The following TBXAS1 variants were observed in gnomAD, a reference collection of about 807,000 sequenced individuals.
TBXAS1 encodes thromboxane-A synthase.
Under a neutral mutation model 60.7 loss-of-function variants are expected in TBXAS1, and 48 were observed. The observed-to-expected ratio is 0.79, with a 90% CI of 0.63 to 1.01. The LOEUF is 1.01. Ranked by LOEUF, TBXAS1 falls within the 50% of genes least tolerant of loss-of-function variation. The pLI is 0.00. For missense variants in TBXAS1, 685 were observed against 686.3 expected (o/e 1.00, Z 0.02); for synonymous variants, 287 against 269.7 (o/e 1.06, Z -0.63).
chr7:139,784,127 T>TCCTGCCTG (rs58521433), intron 3 of TBXAS1, among the ~76,000 whole-genome samples: 8 of 149,810 alleles, frequency 5.3e-5, no homozygotes, highest in South Asian at 4.2e-4. Flanking sequence ...CTTCCTGCCT[T>TCCTGCCTG]CCTGCCTGCC....
chr7:139,806,128 G>A (rs1377088423), intron 4 of TBXAS1, among the ~76,000 whole-genome samples: 14 of 151,054 alleles, frequency 9.3e-5, no homozygotes, highest in East Asian at 3.9e-4. Context: ...TAGTAGAGAC[G>A]GGGTTTCACC....
chr7:139,814,253 T>C (rs1798093754), intron 4 of TBXAS1, among the ~76,000 whole-genome samples: 1 of 152,216 alleles, frequency 6.6e-6, no homozygotes, highest in Non-Finnish European at 1.5e-5. Context: ...AGGTTTAAAG[T>C]GTGGAGTACA....
chr7:139,927,469 T>C (rs1218982232), intron 4 of TBXAS1, among the ~76,000 whole-genome samples: 2 of 152,224 alleles, frequency 1.3e-5, no homozygotes, highest in African/African-American at 4.8e-5. Context: ...CTTGTTTATA[T>C]CTTATTGTAC....
At chr7:139,902,131 CGT>C (rs140782971) in intron 3 of TBXAS1, among the ~76,000 whole-genome samples, 45 of 149,036 alleles carry the variant, frequency 3.0e-4, no homozygotes, top group Non-Finnish European at 2.2e-4. Context: ...TATATGCACT[CGT>C]GTGTGTGTGT....
chr7:139,924,448 C>CT (rs905260915), intron 4 of TBXAS1, among the ~76,000 whole-genome samples: 47 of 147,470 alleles, frequency 3.2e-4, no homozygotes, highest in African/African-American at 9.9e-4. Context: ...ATTTGTATGT[C>CT]TTTTTTTTTT....
chr7:139,914,045 T>C (rs75631777), intron 4 of TBXAS1: 1 of 151,338 alleles, frequency 6.6e-6, no homozygotes, highest in East Asian at 1.9e-4. Context: ...TTTTTTTTTT[T>C]TGGAGACACG....
chr7:139,963,857 T>C (rs1584963904), intron 9 of TBXAS1, among the ~76,000 whole-genome samples: 1 of 152,230 alleles, frequency 6.6e-6, no homozygotes, highest in Non-Finnish European at 1.5e-5. Flanking sequence ...GGTCTCAAAC[T>C]GGTGCACAGG....
At chr7:139,887,754 G>A (rs1009429530) in intron 3 of TBXAS1, among the ~76,000 whole-genome samples, 1 of 152,170 alleles carries the variant, frequency 6.6e-6, no homozygotes, top group African/African-American at 2.4e-5. Flanking sequence ...ATACCTCTTT[G>A]AGACCCTGCT....
At chr7:139,845,562 C>G (rs1268731023) in intron 1 of TBXAS1, among the ~76,000 whole-genome samples, 2 of 152,162 alleles carry the variant, frequency 1.3e-5, no homozygotes, top group Non-Finnish European at 2.9e-5. Context: ...CAGGATTGGT[C>G]CTTCCTCATC....
At position 139,829,405 on chromosome 7, in the gene TBXAS1, G is replaced by C. The variant is rs775493645; in HGVS notation, c.15G>C (p.Gly5=). The change falls in exon 1 of 13, where the codon GGG becomes GGC. Residue 5 remains glycine (G), a synonymous_variant. Transcript: ENST00000448866. The part of the protein sequence containing the change: MEAL[G]FLKLEVNGPM... ...TCAGAGGAATGATGGAAGCCTTGGG[G>C]TTTCTAAAATTGGAAGTGAATGGCC... The C allele has an allele frequency of 1.2e-6, 2 of 1,613,752 alleles. No homozygotes were observed. The highest frequency in any genetic ancestry group is 1.7e-6 in the Non-Finnish European group (2 of 1,179,950).
At chr7:139,866,273 A>G (rs976209350) in intron 1 of TBXAS1, among the ~76,000 whole-genome samples, 2 of 152,354 alleles carry the variant, frequency 1.3e-5, no homozygotes, top group African/African-American at 4.8e-5. Context: ...CTGTAGCAGC[A>G]TAACTCAAAG....
chr7:139,844,569 C>T (rs1313130840), intron 1 of TBXAS1, among the ~76,000 whole-genome samples: 2 of 152,222 alleles, frequency 1.3e-5, no homozygotes, highest in East Asian at 1.9e-4. Flanking sequence ...GCACCACCAT[C>T]GCGTTGTCAA....
intron 9 of TBXAS1, among the ~76,000 whole-genome samples, chr7:140,000,491 G>C (rs976641889): frequency 2.0e-5 from 3 of 152,156 alleles, no homozygotes; most frequent in Non-Finnish European, 4.4e-5. Flanking sequence ...CTGGGCCACA[G>C]AGCAAGAAAA....
At chr7:139,788,769 G>A (rs1797281598) in intron 4 of TBXAS1, among the ~76,000 whole-genome samples, 1 of 152,260 alleles carries the variant, frequency 6.6e-6, no homozygotes, top group South Asian at 2.1e-4. Flanking sequence ...CGTGCCCTAG[G>A]GTTGGCCTGC....
intron 9 of TBXAS1, among the ~76,000 whole-genome samples, chr7:139,991,904 C>T (rs1157663121): frequency 6.6e-6 from 1 of 152,234 alleles, no homozygotes; most frequent in Non-Finnish European, 1.5e-5. Context: ...ACTTGGCCCC[C>T]AGCCTAGGCA....
chr7:139,883,402 C>T (rs1371363486), intron 3 of TBXAS1, among the ~76,000 whole-genome samples: 1 of 152,114 alleles, frequency 6.6e-6, no homozygotes, highest in Non-Finnish European at 1.5e-5. Flanking sequence ...TCTTTCAGCC[C>T]ATTTATTTTA....
chr7:139,926,295 G>T (rs937175121), intron 4 of TBXAS1, among the ~76,000 whole-genome samples: 1 of 152,088 alleles, frequency 6.6e-6, no homozygotes, highest in Non-Finnish European at 1.5e-5. Flanking sequence ...TTTCTTTGCT[G>T]GGAGACTTTT....
Position 139,778,730 on chromosome 7 carries a change from C to A in TBXAS1, c.-318+259C>A, listed in dbSNP as rs1796871184. Among the ~76,000 whole-genome samples, 1 of 152,294 alleles carries A rather than the reference C, an allele frequency of 6.6e-6. No homozygotes were observed. The highest frequency in any genetic ancestry group is 2.4e-5 in the African/African-American group (1 of 41,562). On this transcript the variant is annotated intron_variant, in intron 1 of 16. Coordinates refer to the TBXAS1 transcript ENST00000336425. The surrounding 1 kb of genome is among the most constrained non-coding windows in gnomAD (Gnocchi z 4.8). ...ATCACTTGAATGGGAGCTCACAACTCTCTGGGTCCTCGCTTTTCTCAGCGC... is the reference window on the plus strand; with the variant it reads ...ATCACTTGAATGGGAGCTCACAACTATCTGGGTCCTCGCTTTTCTCAGCGC...
chr7:139,950,705 C>CCCCCTCGCCTTCCATCTACGGGAT, intron 5 of TBXAS1, among the ~76,000 whole-genome samples: 1 of 123,464 alleles, frequency 8.1e-6, no homozygotes, highest in Non-Finnish European at 1.8e-5. Context: ...ATCTACGGGA[C>CCCCCTCGCCTTCCATCTACGGGAT]CCCCTCGCCC....
Sources: allele counts gnomAD v4.1 joint callset (sites outside exome capture counted in the v4.1 genomes callset), GRCh38; gene constraint gnomAD v4.1.1; non-coding constraint Gnocchi (gnomAD v3.1); transcripts MANE v1.5; gene names NCBI Gene and HGNC (gene_info 2026-07-23, HGNC 2026-07-21).